The following EPB41L2 variants were observed in gnomAD, a reference collection of about 807,000 sequenced individuals.
EPB41L2 encodes band 4.1-like protein 2.
In EPB41L2, 43 loss-of-function variants were observed where a neutral mutation model predicts 113.0. The ratio of observed to expected loss-of-function variants is 0.38; its 90% confidence interval spans 0.30 to 0.49. EPB41L2 has a LOEUF of 0.49. EPB41L2 is among the 20% of genes least tolerant of loss of function. EPB41L2 has a pLI of 0.95. For missense variants in EPB41L2, 1,147 were observed against 1,223.4 expected, an observed-to-expected ratio of 0.94 and a Z score of 0.93; for synonymous variants, 442 against 436.7, an observed-to-expected ratio of 1.01 and a Z score of -0.15.
At chr6:131,011,891 C>T (rs1368676751) in intron 1 of EPB41L2, among the ~76,000 whole-genome samples, 1 of 152,176 alleles carries the variant, frequency 6.6e-6, no homozygotes, top group Non-Finnish European at 1.5e-5. Context: ...TGGATATCCT[C>T]TTCCTCCACC....
At chr6:131,027,363 T>A (rs901073984) in intron 1 of EPB41L2, among the ~76,000 whole-genome samples, 1 of 152,024 alleles carries the variant, frequency 6.6e-6, no homozygotes, top group Non-Finnish European at 1.5e-5. Context: ...ATCACCCACA[T>A]CCAAGTGTGT....
At chr6:130,936,981 C>T (rs1046222365) in intron 3 of EPB41L2, among the ~76,000 whole-genome samples, 1 of 152,204 alleles carries the variant, frequency 6.6e-6, no homozygotes, top group African/African-American at 2.4e-5. Context: ...TTTATTTAGA[C>T]CAGTTTTAGG....
Position 130,861,704 on chromosome 6 carries a change from T to C in EPB41L2, c.2910+1934A>G, listed in dbSNP as rs961782605. 6.6e-5 allele frequency among the ~76,000 whole-genome samples: 10 copies of C among 151,934 alleles called. 1 individual carries two copies. Among genetic ancestry groups the C allele is most frequent in the Non-Finnish European group, 1.5e-5 (1 of 67,980 alleles). On this transcript the variant is annotated intron_variant, in intron 18 of 19. Coordinates refer to ENST00000337057, the MANE Select transcript of EPB41L2 (RefSeq NM_001431.4). ...CTGGCCAACACAGTGAAACCCCATC[T>C]CTACTAAAAACACAAAAACTAGCCG... is the stretch of plus-strand genomic sequence containing the variant.
At chr6:130,935,210 C>A (rs563286007) in intron 3 of EPB41L2, among the ~76,000 whole-genome samples, 1 of 152,308 alleles carries the variant, frequency 6.6e-6, no homozygotes, top group Admixed American at 6.5e-5. Context: ...AGATACCCTC[C>A]AGTAACTGTA....
intron 1 of EPB41L2, among the ~76,000 whole-genome samples, chr6:130,977,279 AAAGGATCTC>A (rs1778399586): frequency 6.6e-6 from 1 of 152,206 alleles, no homozygotes; most frequent in African/African-American, 2.4e-5. Context: ...TTCAGAGCTA[AAAGGATCTC>A]AATGTTCATG....
At chr6:130,924,279 T>C (rs561370302) in intron 4 of EPB41L2, among the ~76,000 whole-genome samples, 29 of 152,364 alleles carry the variant, frequency 1.9e-4, no homozygotes, top group African/African-American at 7.0e-4. Context: ...TTGGCTGTTA[T>C]GAATAATGCT....
intron 15 of EPB41L2, chr6:130,867,971 CA>C: frequency 1.2e-5 from 1 of 83,362 alleles, no homozygotes; most frequent in Non-Finnish European, 2.3e-5. Context: ...CACACACACA[CA>C]CTCTCTCTCT....
intron 1 of EPB41L2, among the ~76,000 whole-genome samples, chr6:131,037,243 A>G (rs1793517586): frequency 1.3e-5 from 2 of 152,260 alleles, no homozygotes; most frequent in South Asian, 2.1e-4. Context: ...TTGGGAATAC[A>G]TGAATAAATT....
chr6:130,951,286 G>A (rs1814906602), intron 3 of EPB41L2, among the ~76,000 whole-genome samples: 1 of 108,316 alleles, frequency 9.2e-6, no homozygotes, highest in African/African-American at 3.5e-5. Flanking sequence ...GGGAGGGGAG[G>A]AGAAAAAAGA....
intron 1 of EPB41L2, among the ~76,000 whole-genome samples, chr6:131,010,399 A>G (rs1786643117): frequency 6.7e-6 from 1 of 150,222 alleles, no homozygotes; most frequent in Non-Finnish European, 1.5e-5. Flanking sequence ...CCTGATAGAA[A>G]TAAAGAATTA....
chr6:130,895,582 T>A (rs1357655339), intron 8 of EPB41L2, among the ~76,000 whole-genome samples: 1 of 152,244 alleles, frequency 6.6e-6, no homozygotes, highest in African/African-American at 2.4e-5. Context: ...CCCTAGCTAA[T>A]AGCTCTTAAA....
intron 3 of EPB41L2, among the ~76,000 whole-genome samples, chr6:130,939,149 G>A (rs1160454743): frequency 1.3e-5 from 2 of 152,086 alleles, no homozygotes; most frequent in East Asian, 3.9e-4. Flanking sequence ...CCAATGCTTG[G>A]TCCAGAAATG....
chr6:130,927,756 GGAA>G (rs2128554948), intron 3 of EPB41L2, among the ~76,000 whole-genome samples: 1 of 152,246 alleles, frequency 6.6e-6, no homozygotes, highest in African/African-American at 2.4e-5. Flanking sequence ...AATTGTAAAG[GGAA>G]GAAGGAGAAT....
chr6:130,867,374 T>A lies in EPB41L2; in HGVS notation c.2730+85A>T, dbSNP rs73632232. The A allele has an allele frequency of 4.7e-3, 7,145 of 1,531,756 alleles. 324 individuals carry two copies. The African/African-American group carries it at 0.09, about 19-fold the overall frequency. 94.9% of individuals were successfully genotyped at this position (1,531,756 alleles called of 1,614,324 possible). On this transcript the variant is annotated intron_variant, in intron 16 of 19. Coordinates refer to ENST00000337057, the MANE Select transcript of EPB41L2 (RefSeq NM_001431.4). ...AAAAGCTACATCAAAGCCAGAAACA[T>A]GTAAACTAAGAGAAGAAAGAATGAA... is the stretch of plus-strand genomic sequence containing the variant.
chr6:130,980,913 G>A (rs941200279), intron 1 of EPB41L2, among the ~76,000 whole-genome samples: 1 of 151,908 alleles, frequency 6.6e-6, no homozygotes, highest in Non-Finnish European at 1.5e-5. Context: ...TCAGCTTATC[G>A]GACATTCATT....
rs537253620 is a variant in EPB41L2, at chr6:130,953,570, G to A, written c.705+1535C>T. Reference sequence around the variant, plus strand: ...ATTAGGAGATATACTTAATTTAAATGATGAGTTAATGGGTGCAGCACACCA... The same window carrying A: ...ATTAGGAGATATACTTAATTTAAATAATGAGTTAATGGGTGCAGCACACCA... On this transcript the variant is annotated intron_variant, in intron 3 of 19. Transcript: ENST00000337057. Among the ~76,000 whole-genome samples the A allele has an allele frequency of 2.6e-3, 390 of 152,038 alleles. 4 individuals carry two copies. The highest frequency in any genetic ancestry group is 2.7e-3 in the South Asian group (13 of 4,816).
chr6:130,956,459 A>G lies in EPB41L2; in HGVS notation c.27T>C (p.Ser9=). 2 of 1,613,800 alleles carry G rather than the reference A, an allele frequency of 1.2e-6. No individual in the cohort carries two copies. The highest frequency in any genetic ancestry group is 8.5e-7 in the Non-Finnish European group (1 of 1,179,984). ...ACTGGCTAGAGTCCTTCTTCACTTC[A>G]GACACAGAGCCTACTTCAGTAGTCA... The part of the protein sequence containing the change: MTTEVGSV[S]EVKKDSSQLG... Residue 9 remains serine, a synonymous_variant, in exon 2 of 20, where the codon TCT becomes TCC. Transcript: ENST00000337057.
At chr6:130,955,424 C>CAGT in intron 2 of EPB41L2, 107 bp from the exon 3 acceptor site, 1 of 1,059,726 alleles carries the variant, frequency 9.4e-7, no homozygotes, top group Non-Finnish European at 1.4e-6. Context: ...ACTTTAAACA[C>CAGT]TGTAACTTTC....
chr6:131,033,716 T>C, intron 1 of EPB41L2, among the ~76,000 whole-genome samples: 1 of 152,226 alleles, frequency 6.6e-6, no homozygotes. Flanking sequence ...TCCACTTTTA[T>C]GAAGTACTGA....
Sources: allele counts gnomAD v4.1 joint callset (sites outside exome capture counted in the v4.1 genomes callset), GRCh38; gene constraint gnomAD v4.1.1; transcripts MANE v1.5; gene names NCBI Gene and HGNC (gene_info 2026-07-23, HGNC 2026-07-21).